Variants in CDH13 observed in about 807,000 individuals in gnomAD.
The protein encoded by CDH13 is cadherin-13.
A neutral mutation model predicts 63.8 loss-of-function variants in CDH13; 24 were observed. That is an observed-to-expected ratio of 0.38 (90% confidence interval 0.27 to 0.53). The LOEUF (loss-of-function observed/expected upper bound fraction) is 0.53. Among genes scored for constraint, CDH13 ranks in the 20% least tolerant of loss-of-function variants. The pLI is 0.85. For missense variants in CDH13, 1,049 were observed against 903.1 expected (o/e 1.16, Z -2.07); for synonymous variants, 503 against 355.3 (o/e 1.42, Z -4.67).
At chr16:83,046,033 A>G (rs892074151) in intron 3 of CDH13, among the ~76,000 whole-genome samples, 2 of 152,208 alleles carry the variant, frequency 1.3e-5, no homozygotes, top group Non-Finnish European at 2.9e-5. Context: ...GTTGGGCCAG[A>G]CTGTTGGTGC....
chr16:83,542,088 G>C (rs144013987), intron 7 of CDH13, among the ~76,000 whole-genome samples: 1 of 152,340 alleles, frequency 6.6e-6, no homozygotes, highest in African/African-American at 2.4e-5. Flanking sequence ...TGCTAGAAAT[G>C]CAGAGCCTCA....
Position 83,116,971 on chromosome 16 carries a change from G to C in CDH13, c.367-8414G>C, listed in dbSNP as rs919098826. 3.9e-5 allele frequency among the ~76,000 whole-genome samples: 6 copies of C among 152,312 alleles called. No homozygotes were observed. The South Asian group carries it at 6.2e-4, about 16-fold the overall frequency. ...CACATGCAGCTTCTCATTTCGTTCTGATAACCTAGAGGACGGGCAAATCAT... is the reference window on the plus strand; with the variant it reads ...CACATGCAGCTTCTCATTTCGTTCTCATAACCTAGAGGACGGGCAAATCAT... On this transcript the variant is annotated intron_variant, in intron 3 of 13. Transcript: ENST00000567109.
At chr16:82,832,524 A>G (rs2038587857) in intron 1 of CDH13, among the ~76,000 whole-genome samples, 1 of 152,160 alleles carries the variant, frequency 6.6e-6, no homozygotes. Context: ...AAGAAAATAC[A>G]GTCTATTAAA....
chr16:83,003,169 G>C (rs1019730321), intron 2 of CDH13, among the ~76,000 whole-genome samples: 5 of 152,142 alleles, frequency 3.3e-5, no homozygotes, highest in African/African-American at 1.2e-4. Context: ...TGTGTGTTCA[G>C]TCCCATATGA....
intron 2 of CDH13, among the ~76,000 whole-genome samples, chr16:83,014,417 A>G (rs1914477590): frequency 6.6e-6 from 1 of 151,524 alleles, no homozygotes; most frequent in Non-Finnish European, 1.5e-5. Flanking sequence ...AACTACTTAA[A>G]TATATGTATA....
intron 5 of CDH13, among the ~76,000 whole-genome samples, chr16:83,298,047 C>CAAAAA (rs71382871): frequency 2.1e-4 from 21 of 99,708 alleles, no homozygotes; most frequent in Non-Finnish European, 3.4e-4. Flanking sequence ...CTTGTTTCTA[C>CAAAAA]AAAAAAAAAA....
At chr16:82,805,850 G>A (rs924040130) in intron 1 of CDH13, among the ~76,000 whole-genome samples, 1 of 152,120 alleles carries the variant, frequency 6.6e-6, no homozygotes, top group African/African-American at 2.4e-5. Flanking sequence ...ATGAATCTCC[G>A]GTTGACGAAC....
intron 6 of CDH13, among the ~76,000 whole-genome samples, chr16:83,386,584 A>G (rs2091679512): frequency 6.6e-6 from 1 of 152,170 alleles, no homozygotes; most frequent in Middle Eastern, 3.2e-3. Flanking sequence ...TGAGGACTCT[A>G]GGAGGCAGGT....
intron 5 of CDH13, among the ~76,000 whole-genome samples, chr16:83,314,542 G>A (rs1358105817): frequency 5.9e-5 from 9 of 151,904 alleles, no homozygotes; most frequent in Non-Finnish European, 1.0e-4. Context: ...TCCCTGAGAT[G>A]GCATGTCAGT....
At chr16:82,967,043 A>G (rs1907944592) in intron 2 of CDH13, among the ~76,000 whole-genome samples, 1 of 152,202 alleles carries the variant, frequency 6.6e-6, no homozygotes, top group Non-Finnish European at 1.5e-5. Flanking sequence ...TTAATCTGGA[A>G]AAGTTCTTCA....
chr16:82,734,932 G>A (rs1286087886), intron 1 of CDH13, among the ~76,000 whole-genome samples: 1 of 152,152 alleles, frequency 6.6e-6, no homozygotes, highest in South Asian at 2.1e-4. Context: ...GATCTTGGGG[G>A]CACATCACAA....
chr16:83,382,646 C>G (rs186615852), intron 6 of CDH13, among the ~76,000 whole-genome samples: 1 of 152,166 alleles, frequency 6.6e-6, no homozygotes, highest in African/African-American at 2.4e-5. Context: ...TGTCCAATCT[C>G]CACACCCCGT....
At chr16:82,869,246 A>T (rs2040259531) in intron 2 of CDH13, among the ~76,000 whole-genome samples, 2 of 152,224 alleles carry the variant, frequency 1.3e-5, no homozygotes, top group Admixed American at 1.3e-4. Flanking sequence ...AAGTTTTGCC[A>T]TGTTGGCCAG....
intron 3 of CDH13, among the ~76,000 whole-genome samples, chr16:83,117,907 C>T (rs1262503296): frequency 6.6e-6 from 1 of 152,104 alleles, no homozygotes; most frequent in Non-Finnish European, 1.5e-5. Context: ...GATTGGGAAA[C>T]AGGGAGGAAA....
At chr16:83,109,713 G>A (rs905445626) in intron 3 of CDH13, among the ~76,000 whole-genome samples, 2 of 152,152 alleles carry the variant, frequency 1.3e-5, no homozygotes, top group African/African-American at 4.8e-5. Flanking sequence ...AGCCCCACCT[G>A]TAGAGCGCTG....
At chr16:83,729,695 C>G (rs907702193) in intron 10 of CDH13, among the ~76,000 whole-genome samples, 3 of 152,316 alleles carry the variant, frequency 2.0e-5, no homozygotes, top group Non-Finnish European at 4.4e-5. Context: ...CTTAAATAAG[C>G]TGACCCATGT....
chr16:83,129,579 C>T (rs907075820), intron 4 of CDH13, among the ~76,000 whole-genome samples: 4 of 152,162 alleles, frequency 2.6e-5, no homozygotes, highest in African/African-American at 9.7e-5. Flanking sequence ...TTACACCACC[C>T]CCAGGGGATG....
intron 10 of CDH13, among the ~76,000 whole-genome samples, chr16:83,702,284 TGATA>T: frequency 6.6e-6 from 1 of 152,320 alleles, no homozygotes; most frequent in South Asian, 2.1e-4. Flanking sequence ...ATAGCTTCTG[TGATA>T]GATAACCCCT....
chr16:83,520,711 A>C (rs2074810992), intron 7 of CDH13, among the ~76,000 whole-genome samples: 1 of 152,126 alleles, frequency 6.6e-6, no homozygotes, highest in Non-Finnish European at 1.5e-5. Flanking sequence ...TTAATGGAAC[A>C]CTTGCAGGAA....
Sources: allele counts gnomAD v4.1 joint callset (sites outside exome capture counted in the v4.1 genomes callset), GRCh38; gene constraint gnomAD v4.1.1; transcripts MANE v1.5; gene names NCBI Gene and HGNC (gene_info 2026-07-23, HGNC 2026-07-21).